Variants in DOCK9 observed in about 807,000 individuals in gnomAD.
DOCK9 encodes dedicator of cytokinesis 9.
DOCK9 carries 89 observed loss-of-function variants against 263.3 expected under a neutral mutation model. The observed-to-expected ratio is 0.34, with a 90% CI of 0.28 to 0.40. The LOEUF (loss-of-function observed/expected upper bound fraction) is 0.40, where lower values mean the gene tolerates loss of function less well. DOCK9 is among the 10% of genes least tolerant of loss of function. The pLI is 1.00. For missense variants in DOCK9, 2,140 were observed against 2,603.4 expected (o/e 0.82, Z 3.87); for synonymous variants, 976 against 973.1 (o/e 1.00, Z -0.06).
intron 1 of DOCK9, among the ~76,000 whole-genome samples, chr13:99,008,714 A>G (rs1203849667): frequency 6.6e-6 from 1 of 152,222 alleles, no homozygotes; most frequent in East Asian, 1.9e-4. Context: ...TCAGGGTGCC[A>G]GTATGGTCAG....
chr13:98,940,860 T>C (rs748788231), intron 2 of DOCK9, among the ~76,000 whole-genome samples: 6 of 152,106 alleles, frequency 3.9e-5, no homozygotes, highest in Admixed American at 6.5e-5. Context: ...ATCCCTCTTA[T>C]CTATTCTCTG....
intron 1 of DOCK9, among the ~76,000 whole-genome samples, chr13:98,963,203 AG>A (rs2141163359): frequency 6.6e-6 from 1 of 152,290 alleles, no homozygotes; most frequent in African/African-American, 2.4e-5. Context: ...GGACCCCAAA[AG>A]GCCCCACCAT....
intron 1 of DOCK9, among the ~76,000 whole-genome samples, chr13:99,042,756 C>A (rs1202719021): frequency 3.9e-5 from 6 of 152,196 alleles, no homozygotes; most frequent in Non-Finnish European, 5.9e-5. Flanking sequence ...TATAAATGGG[C>A]CAAAGATTGT....
intron 2 of DOCK9, among the ~76,000 whole-genome samples, chr13:98,943,472 T>C (rs2056257312): frequency 1.3e-5 from 2 of 152,230 alleles, no homozygotes; most frequent in African/African-American, 2.4e-5. Context: ...AAATGACATC[T>C]AGGAATTCTA....
chr13:99,034,248 A>G (rs1191278905), intron 1 of DOCK9, among the ~76,000 whole-genome samples: 1 of 152,138 alleles, frequency 6.6e-6, no homozygotes, highest in African/African-American at 2.4e-5. Context: ...AGTTTCCCCC[A>G]ACATAAGTAC....
At position 99,010,242 on chromosome 13, in the gene DOCK9, T is replaced by A. The variant is rs376669361; in HGVS notation, c.130-54691A>T. On this transcript the variant is annotated intron_variant, in intron 1 of 32. Coordinates refer to the DOCK9 transcript ENST00000427887. Reference sequence around the variant, plus strand: ...CAAAAACAGAACATGTTGAGAATAATCCATCAGCTCTTCAATTCTTCCACA... The same window carrying A: ...CAAAAACAGAACATGTTGAGAATAAACCATCAGCTCTTCAATTCTTCCACA... Among the ~76,000 whole-genome samples the A allele has an allele frequency of 7.2e-5, 11 of 152,220 alleles. No homozygotes were observed. In the East Asian group the frequency reaches 9.6e-4, roughly 13 times the overall value.
At chr13:98,877,502 GTAGT>G (rs1313297195) in intron 27 of DOCK9, among the ~76,000 whole-genome samples, 3 of 152,144 alleles carry the variant, frequency 2.0e-5, no homozygotes, top group Non-Finnish European at 2.9e-5. Flanking sequence ...TTATGTTCAT[GTAGT>G]TCCCTGAACT....
chr13:98,865,372 T>C (rs2093992547), intron 30 of DOCK9, among the ~76,000 whole-genome samples: 1 of 152,172 alleles, frequency 6.6e-6, no homozygotes. Context: ...GCACTGGCCC[T>C]CTTTTCTTTA....
intron 15 of DOCK9, among the ~76,000 whole-genome samples, chr13:98,889,730 T>G (rs989027504): frequency 1.2e-4 from 19 of 152,214 alleles, no homozygotes; most frequent in Admixed American, 3.3e-4. Context: ...TACTACACAT[T>G]CTGAAGCCCT....
At position 98,901,859 on chromosome 13, in the gene DOCK9, A is replaced by G. The variant is rs775042725; in HGVS notation, c.1422T>C (p.Leu474=). 2 of 1,612,952 alleles carry G rather than the reference A, an allele frequency of 1.2e-6. No individual in the cohort carries two copies. The highest frequency in any genetic ancestry group is 2.2e-5 in the East Asian group (1 of 44,840). The change falls in exon 13 of 53, where the codon CTT becomes CTC. Residue 474 remains leucine (L), a synonymous_variant. Coordinates refer to ENST00000682017, the MANE Select transcript of DOCK9 (RefSeq NM_001366683.2). ...GAAGGACTTTTTCAATTCTGGCCAC[A>G]AGAAATATATCTGGATGAGGACAAG... is the stretch of plus-strand genomic sequence containing the variant. The part of the protein sequence containing the change: ...SVTCPHPDIF[L]VARIEKVLQG...
chr13:99,057,536 C>T (rs1173883831), intron 1 of DOCK9, among the ~76,000 whole-genome samples: 1 of 152,278 alleles, frequency 6.6e-6, no homozygotes, highest in East Asian at 1.9e-4. Flanking sequence ...ATTTCCACAT[C>T]TTGCTGTTGT....
At position 98,904,692 on chromosome 13, in the gene DOCK9, T is replaced by C. The variant is rs1162313441; in HGVS notation, c.975A>G (p.Ala325=). 8 of 1,555,010 alleles carry C rather than the reference T, an allele frequency of 5.1e-6. No homozygotes were observed. Among genetic ancestry groups the C allele is most frequent in the Admixed American group, 2.0e-5 (1 of 51,256 alleles). ...LPELAKSARE[A]EIKLKSESRV... is the part of the protein sequence containing the mutation. ...TGCTTTCACTTTTCAGTTTGATTTC[T>C]GCTTCTCTTGCACTCTGATAACAAG... The change falls in exon 10 of 53, where the codon GCA becomes GCG. Residue 325 remains alanine (A), a synonymous_variant. Coordinates refer to ENST00000682017, the MANE Select transcript of DOCK9 (RefSeq NM_001366683.2).
At chr13:98,809,032 A>G (rs896697658) in intron 47 of DOCK9, 37 of 1,457,922 alleles carry the variant, frequency 2.5e-5, no homozygotes, top group Middle Eastern at 1.8e-4. Context: ...ATAACTAGAC[A>G]GATAAACATA....
At chr13:98,929,976 AG>A (rs1355813658) in intron 3 of DOCK9, among the ~76,000 whole-genome samples, 191 bp downstream of exon 3, 1 of 152,230 alleles carries the variant, frequency 6.6e-6, no homozygotes, top group African/African-American at 2.4e-5. Flanking sequence ...AATGTAAAAA[AG>A]AAATAGCCCC....
chr13:98,827,525 G>A (rs1036333002), intron 43 of DOCK9, among the ~76,000 whole-genome samples: 10 of 152,224 alleles, frequency 6.6e-5, no homozygotes, highest in South Asian at 2.1e-4. Flanking sequence ...GCCTGTCAGC[G>A]GGGTGAGCGC....
intron 45 of DOCK9, among the ~76,000 whole-genome samples, chr13:98,823,364 T>C (rs564142717): frequency 3.3e-5 from 5 of 152,358 alleles, no homozygotes; most frequent in African/African-American, 9.6e-5. Flanking sequence ...CACTGACTTA[T>C]GGCCTAGCTC....
At chr13:99,021,087 C>T (rs1031007212) in intron 1 of DOCK9, among the ~76,000 whole-genome samples, 11 of 152,176 alleles carry the variant, frequency 7.2e-5, no homozygotes, top group African/African-American at 1.9e-4. Context: ...CTCAATGCCT[C>T]GTTCCTTTTA....
At chr13:99,029,359 A>G (rs7328268) in intron 1 of DOCK9, among the ~76,000 whole-genome samples, 75,360 of 151,970 alleles carry the variant, frequency 0.5, 18,977 homozygotes, top group East Asian at 0.65. Flanking sequence ...CTACCTCTAC[A>G]ATATCTTAGT....
At chr13:98,935,858 A>C (rs1189387412) in intron 2 of DOCK9, among the ~76,000 whole-genome samples, 2 of 152,184 alleles carry the variant, frequency 1.3e-5, no homozygotes, top group Admixed American at 1.3e-4. Context: ...GCTTGGCACC[A>C]ATGGGGCCGT....
Sources: allele counts gnomAD v4.1 joint callset (sites outside exome capture counted in the v4.1 genomes callset), GRCh38; gene constraint gnomAD v4.1.1; transcripts MANE v1.5; gene names NCBI Gene and HGNC (gene_info 2026-07-23, HGNC 2026-07-21).